TP73: variants seen among roughly 807,000 people sequenced by gnomAD.
The protein encoded by TP73 is p53-like transcription factor.
In TP73, 25 loss-of-function variants were observed where a neutral mutation model predicts 62.5. The ratio of observed to expected loss-of-function variants is 0.40; its 90% CI spans 0.29 to 0.56. The LOEUF is 0.56. Ranked by LOEUF, TP73 falls within the 20% of genes least tolerant of loss-of-function variation. TP73 has a pLI of 0.46. For synonymous variants in TP73, 423 were observed against 377.5 expected (o/e 1.12, Z -1.40); for missense variants, 754 against 913.3 (o/e 0.83, Z 2.25).
At chr1:3,705,521 C>T (rs1234633111) in intron 3 of TP73, among the ~76,000 whole-genome samples, 13 of 152,240 alleles carry the variant, frequency 8.5e-5, no homozygotes, top group Non-Finnish European at 1.2e-4. Flanking sequence ...CAGCTTCAGC[C>T]GAGGCCTCGT....
rs1273970426 is a variant in TP73, at chr1:3,699,599, A to C, written c.187-7950A>C. On this transcript the variant is annotated intron_variant, in intron 3 of 13. Transcript: ENST00000378295. This position sits in a 1 kb window ranked among gnomAD's most constrained non-coding sequence, Gnocchi z 4.1. ...TGGAAACGTCTGTCACGGGCACACC[A>C]TGCACCATGCCATGGCTGCCAGTGG... Among the ~76,000 whole-genome samples, 1 of 152,176 alleles carries C rather than the reference A, an allele frequency of 6.6e-6. No individual in the cohort carries two copies. Among genetic ancestry groups the C allele is most frequent in the Non-Finnish European group, 1.5e-5 (1 of 68,032 alleles).
intron 4 of TP73, among the ~76,000 whole-genome samples, chr1:3,718,977 A>C (rs190347715): frequency 1.1e-4 from 17 of 152,278 alleles, no homozygotes; most frequent in Admixed American, 1.1e-3. Flanking sequence ...GCAGTGAGTC[A>C]GAGATGCAGG....
intron 1 of TP73, among the ~76,000 whole-genome samples, chr1:3,675,831 C>T (rs548053308): frequency 2.0e-5 from 3 of 152,216 alleles, no homozygotes; most frequent in East Asian, 1.9e-4. Flanking sequence ...GGGGAACTGA[C>T]GAGGCCTTAC....
chr1:3,724,738 G>T (rs1365375510), intron 6 of TP73, among the ~76,000 whole-genome samples: 16 of 152,252 alleles, frequency 1.1e-4, no homozygotes. Context: ...TTGGTTCATG[G>T]CTGGGCGCAG....
intron 3 of TP73, among the ~76,000 whole-genome samples, chr1:3,688,511 C>G (rs376305408): frequency 6.6e-6 from 1 of 152,138 alleles, no homozygotes; most frequent in African/African-American, 2.4e-5. Flanking sequence ...CAGGGTCCTG[C>G]GGAAAGTCAG....
chr1:3,735,904 C>T lies in TP73; in HGVS notation c.*2825C>T, dbSNP rs1326956863. On this transcript the variant is annotated 3_prime_UTR_variant, in exon 14 of 14. Transcript: ENST00000378295. ...GAAGCCCTTGCTGTACCCAGGAGCC[C>T]GACCCGCAGTATCCTGGCACAGAGC... is the stretch of plus-strand genomic sequence containing the variant. The T allele has an allele frequency of 1.3e-5, 2 of 152,198 alleles. No individual in the cohort carries two copies. Among genetic ancestry groups the T allele is most frequent in the Admixed American group, 6.5e-5 (1 of 15,276 alleles). The allele number at this position is 152,198 out of a possible 1,614,324, so 9.4% of individuals were successfully genotyped here.
At chr1:3,725,747 G>GTGGATGGATGGA (rs368804380) in intron 6 of TP73, among the ~76,000 whole-genome samples, 17 of 36,712 alleles carry the variant, frequency 4.6e-4, no homozygotes, top group Admixed American at 6.7e-4. Context: ...AAATGGGGGA[G>GTGGATGGATGGA]TGGATGGATG....
chr1:3,673,709 A>G (rs1481237273), intron 1 of TP73, among the ~76,000 whole-genome samples: 1 of 152,234 alleles, frequency 6.6e-6, no homozygotes. Flanking sequence ...GGTATGACCC[A>G]AACACATATA....
At chr1:3,671,111 C>T (rs1645231123) in intron 1 of TP73, among the ~76,000 whole-genome samples, 1 of 152,204 alleles carries the variant, frequency 6.6e-6, no homozygotes, top group Admixed American at 6.5e-5. Context: ...GCACAGCCTC[C>T]CTCAGGGCTG....
chr1:3,654,469 C>T (rs2101989190), intron 1 of TP73, among the ~76,000 whole-genome samples: 1 of 152,374 alleles, frequency 6.6e-6, no homozygotes, highest in South Asian at 2.1e-4. Flanking sequence ...GGGTTCAAAT[C>T]TCCTCTTCCC....
rs565011039 is a variant in TP73, at chr1:3,702,990, C to G, written c.187-4559C>G. 4.6e-5 allele frequency among the ~76,000 whole-genome samples: 7 copies of G among 152,288 alleles called. No individual in the cohort carries two copies. The East Asian group carries it at 1.4e-3, about 29-fold the overall frequency. ...CAGGAGCCAGGCCCCAGGGAAAGCTCCTTGCCGCCAGGCAGGAAGCGAAAG... is the reference window on the plus strand; with the variant it reads ...CAGGAGCCAGGCCCCAGGGAAAGCTGCTTGCCGCCAGGCAGGAAGCGAAAG... On this transcript the variant is annotated intron_variant, in intron 3 of 13. Transcript: ENST00000378295.
intron 3 of TP73, among the ~76,000 whole-genome samples, chr1:3,691,527 C>T (rs1645830140): frequency 6.6e-6 from 1 of 152,110 alleles, no homozygotes; most frequent in Non-Finnish European, 1.5e-5. Flanking sequence ...TCTTGCGCCA[C>T]CCGCCCCCTG....
chr1:3,725,389 T>G (rs2124495899), intron 6 of TP73, among the ~76,000 whole-genome samples: 1 of 13,944 alleles, frequency 7.2e-5, no homozygotes, highest in African/African-American at 3.2e-4. Context: ...GATGGGTGGA[T>G]GGATGGGGGT....
chr1:3,714,394 C>G (rs1276990957), intron 4 of TP73: 1 of 152,302 alleles, frequency 6.6e-6, no homozygotes, highest in Non-Finnish European at 1.5e-5. Context: ...CAAAGCCGGG[C>G]CTCAAAAGGC....
chr1:3,679,848 T>C (rs994442448), intron 1 of TP73, among the ~76,000 whole-genome samples: 1 of 151,298 alleles, frequency 6.6e-6, no homozygotes, highest in Non-Finnish European at 1.5e-5. Context: ...CTTGTATCTC[T>C]CTGTCTCTCT....
At chr1:3,720,545 A>G (rs1465353775) in intron 4 of TP73, among the ~76,000 whole-genome samples, 1 of 152,238 alleles carries the variant, frequency 6.6e-6, no homozygotes, top group African/African-American at 2.4e-5. Flanking sequence ...GGGGAGCCCA[A>G]GTAGCTCACC....
At chr1:3,661,206 C>T (rs561159086) in intron 1 of TP73, among the ~76,000 whole-genome samples, 13 of 152,186 alleles carry the variant, frequency 8.5e-5, no homozygotes, top group African/African-American at 3.1e-4. Context: ...ATTCCAGGGG[C>T]CAATCTAGGA....
chr1:3,718,570 T>C (rs1570589324), intron 4 of TP73, among the ~76,000 whole-genome samples: 1 of 136,538 alleles, frequency 7.3e-6, no homozygotes, highest in Non-Finnish European at 1.6e-5. Flanking sequence ...GGGGAGGGGC[T>C]GCAGGGGCCA....
At chr1:3,690,619 A>G in intron 3 of TP73, 6 of 1,309,176 alleles carry the variant, frequency 4.6e-6, no homozygotes, top group Non-Finnish European at 5.9e-6. Context: ...CCTGCCCCGG[A>G]CTTGGATGAA....
Sources: gnomAD v4.1 joint callset for allele counts (sites outside exome capture counted in the v4.1 genomes callset) on GRCh38, gnomAD v4.1.1 for gene constraint, Gnocchi (gnomAD v3.1) non-coding constraint, MANE v1.5 for transcripts, NCBI Gene and HGNC (gene_info 2026-07-23, HGNC 2026-07-21) for gene names.